TMEM232: variants seen among roughly 807,000 people sequenced by gnomAD.
TMEM232 encodes the protein transmembrane protein 232.
TMEM232 carries 80 observed loss-of-function variants against 78.8 expected under a neutral mutation model. The ratio of observed to expected loss-of-function variants is 1.01; its 90% CI spans 0.85 to 1.22. The LOEUF (loss-of-function observed/expected upper bound fraction) is 1.22. TMEM232 is among the 50% of genes most tolerant of loss of function. The probability of loss-of-function intolerance (pLI) is 0.00; values close to 1 mark genes in which losing one functional copy is unlikely to be tolerated. For synonymous variants in TMEM232, 297 were observed against 254.3 expected (o/e 1.17, Z -1.60); for missense variants, 881 against 742.2 (o/e 1.19, Z -2.17).
rs182389250 is a variant in TMEM232 at position 110,522,672 on chromosome 5, C to T, written c.1703+5916G>A. Reference sequence around the variant, plus strand: ...TTTTCAGCACCTGTTGAGATTATTACGTAATTTTTATTTTTCATTCTGTAA... The same window carrying T: ...TTTTCAGCACCTGTTGAGATTATTATGTAATTTTTATTTTTCATTCTGTAA... On this transcript the variant is annotated intron_variant, in intron 12 of 13. Transcript: ENST00000455884. Among the ~76,000 whole-genome samples the T allele has an allele frequency of 3.2e-3, 488 of 152,108 alleles. 3 individuals are homozygous for T. Among genetic ancestry groups the T allele is most frequent in the African/African-American group, 0.011 (464 of 41,484 alleles).
At chr5:110,600,584 AC>A (rs1370904192) in intron 10 of TMEM232, among the ~76,000 whole-genome samples, 2 of 152,138 alleles carry the variant, frequency 1.3e-5, no homozygotes, top group Non-Finnish European at 2.9e-5. Context: ...AAATTCCTGG[AC>A]CCATACACCC....
intron 7 of TMEM232, among the ~76,000 whole-genome samples, chr5:110,623,732 T>C (rs569973711): frequency 7.2e-5 from 11 of 152,200 alleles, no homozygotes; most frequent in African/African-American, 2.4e-4. Context: ...CCTATATTTA[T>C]AGTCTTTATA....
chr5:110,528,796 T>C lies in TMEM232; in HGVS notation c.1495A>G (p.Ser499Gly), dbSNP rs1770989352. Residue 499 changes from serine to glycine, a missense_variant, in exon 12 of 14, where the codon AGT becomes GGT. Physicochemically the swap from Ser to Gly is moderately conservative, Grantham distance 56. Transcript: ENST00000455884. ...NDPTDPFTRY[S>G]TNISSNVGEE... Reference sequence around the variant, plus strand: ...CCTACATTTGATGAAATATTTGTACTATATCTAGTGAAAGGATCAGTTGGG... The same window carrying C: ...CCTACATTTGATGAAATATTTGTACCATATCTAGTGAAAGGATCAGTTGGG... 2 of 1,526,802 alleles carry C rather than the reference T, an allele frequency of 1.3e-6. No individual in the cohort carries two copies. The highest frequency in any genetic ancestry group is 1.2e-5 in the South Asian group (1 of 81,472). 94.6% of individuals were successfully genotyped at this position (1,526,802 alleles called of 1,614,324 possible).
intron 2 of TMEM232, among the ~76,000 whole-genome samples, chr5:110,405,220 G>C (rs1017872861): frequency 1.1e-4 from 16 of 152,120 alleles, no homozygotes; most frequent in Non-Finnish European, 1.8e-4. Flanking sequence ...AGTCAATGCT[G>C]TGATGTAGCA....
chr5:110,656,506 T>A (rs898881028), intron 2 of TMEM232, among the ~76,000 whole-genome samples: 2 of 152,004 alleles, frequency 1.3e-5, no homozygotes, highest in Non-Finnish European at 2.9e-5. Flanking sequence ...AAGACAATGA[T>A]AGAAAATGTA....
Position 110,437,316 on chromosome 5 carries a change from C to G in TMEM232, c.1704-12400G>C, listed in dbSNP as rs117985324. ...CTCCACATGTAATCTAAATCTGGAT[C>G]TAAAACAAAATTATAGAAAAAAACA... On this transcript the variant is annotated intron_variant, in intron 12 of 13. Coordinates refer to ENST00000455884, the MANE Select transcript of TMEM232 (RefSeq NM_001039763.4). 3.8e-4 allele frequency among the ~76,000 whole-genome samples: 58 copies of G among 151,236 alleles called. No individual in the cohort carries two copies. In the East Asian group the frequency reaches 8.6e-3, roughly 22 times the overall value.
chr5:110,700,597 A>G (rs1196348094), intron 1 of TMEM232, among the ~76,000 whole-genome samples: 1 of 152,006 alleles, frequency 6.6e-6, no homozygotes, highest in Non-Finnish European at 1.5e-5. Context: ...GGACATCTGA[A>G]GAAAGATTGC....
At chr5:110,395,824 C>T (rs1196549910) in intron 3 of TMEM232, among the ~76,000 whole-genome samples, 2 of 152,076 alleles carry the variant, frequency 1.3e-5, no homozygotes, top group Non-Finnish European at 2.9e-5. Flanking sequence ...CCGCAAATGT[C>T]TTTAAAGGGA....
At chr5:110,583,396 G>C (rs1406444411) in intron 10 of TMEM232, among the ~76,000 whole-genome samples, 1 of 151,796 alleles carries the variant, frequency 6.6e-6, no homozygotes, top group Non-Finnish European at 1.5e-5. Flanking sequence ...AATGGGAAAA[G>C]GATAGTCTCT....
rs550825814 is a variant in TMEM232 at position 110,638,785 on chromosome 5, T to G, written c.344-430A>C. 4.7e-4 allele frequency among the ~76,000 whole-genome samples: 71 copies of G among 152,294 alleles called. 1 individual carries two copies. Among genetic ancestry groups the G allele is most frequent in the African/African-American group, 1.7e-3 (69 of 41,578 alleles). On this transcript the variant is annotated intron_variant, in intron 4 of 13. Transcript: ENST00000455884. ...GAAGAAATGTCCAAGGGGGCTCAGC[T>G]ATTATAGATCCAACACTATACAGGC...
At chr5:110,724,794 T>C (rs1797992804) in intron 1 of TMEM232, among the ~76,000 whole-genome samples, 1 of 152,222 alleles carries the variant, frequency 6.6e-6, no homozygotes, top group African/African-American at 2.4e-5. Flanking sequence ...CTTTTATTTA[T>C]TCATTCACCA....
intron 3 of TMEM232, among the ~76,000 whole-genome samples, chr5:110,395,115 T>C (rs1345722373): frequency 6.6e-6 from 1 of 152,178 alleles, no homozygotes; most frequent in Non-Finnish European, 1.5e-5. Flanking sequence ...CTCAGGGGCA[T>C]AGAGATTTAT....
In TMEM232 at chr5:110,456,394, CAAAACAG is replaced by C. The variant is rs1487480788; in HGVS notation, c.1704-31485_1704-31479del. On this transcript the variant is annotated intron_variant, in intron 12 of 13. Coordinates refer to ENST00000455884, the MANE Select transcript of TMEM232 (RefSeq NM_001039763.4). Reference sequence around the variant, plus strand: ...AAGTAAAAAAATTGATAAAAGAAATCAAAACAGATCTAAATAAAAGAGGTGTACAGTG... The same window carrying C: ...AAGTAAAAAAATTGATAAAAGAAATCATCTAAATAAAAGAGGTGTACAGTG... 1.9e-4 allele frequency among the ~76,000 whole-genome samples: 29 copies of C among 151,592 alleles called. 1 individual carries two copies. The highest frequency in any genetic ancestry group is 5.9e-4 in the Admixed American group (9 of 15,232).
At position 110,528,173 on chromosome 5, in the gene TMEM232, T is replaced by G. The variant is rs540517291; in HGVS notation, c.1703+415A>C. On this transcript the variant is annotated intron_variant, in intron 12 of 13. Coordinates refer to ENST00000455884, the MANE Select transcript of TMEM232 (RefSeq NM_001039763.4). The stretch of plus-strand genomic sequence containing the variant: ...TTTATAGGAGTTGAAACATAAAATC[T>G]AATTAGCCTCATAACTACCAGTTTT... Among the ~76,000 whole-genome samples, 259 of 152,062 alleles carry G rather than the reference T, an allele frequency of 1.7e-3. 1 individual carries two copies. Among genetic ancestry groups the G allele is most frequent in the African/African-American group, 5.8e-3 (240 of 41,564 alleles).
At chr5:110,632,697 G>A (rs1329792524) in intron 5 of TMEM232, among the ~76,000 whole-genome samples, 1 of 151,672 alleles carries the variant, frequency 6.6e-6, no homozygotes, top group African/African-American at 2.4e-5. Context: ...ATATAACTTG[G>A]AGAAAAACAA....
At chr5:110,673,178 T>C (rs1791585308) in intron 1 of TMEM232, among the ~76,000 whole-genome samples, 1 of 152,020 alleles carries the variant, frequency 6.6e-6, no homozygotes, top group Admixed American at 6.6e-5. Context: ...CTGGAAACCA[T>C]CATTCTCAGC....
intron 10 of TMEM232, among the ~76,000 whole-genome samples, chr5:110,589,251 C>T (rs1779210393): frequency 6.6e-6 from 1 of 152,062 alleles, no homozygotes; most frequent in East Asian, 1.9e-4. Flanking sequence ...AATGTATAGG[C>T]TAGGTTTTCT....
intron 12 of TMEM232, among the ~76,000 whole-genome samples, chr5:110,474,918 G>T (rs1259777366): frequency 6.6e-6 from 1 of 151,774 alleles, no homozygotes; most frequent in Admixed American, 6.6e-5. Flanking sequence ...TAGACCAAAA[G>T]ATACATATTT....
chr5:110,522,342 A>G (rs1272519341), intron 12 of TMEM232, among the ~76,000 whole-genome samples: 2 of 152,162 alleles, frequency 1.3e-5, no homozygotes, highest in Non-Finnish European at 2.9e-5. Flanking sequence ...GGTTACATAT[A>G]TATAAGGTCA....
Sources: gnomAD v4.1 joint callset for allele counts (sites outside exome capture counted in the v4.1 genomes callset) on GRCh38, gnomAD v4.1.1 for gene constraint, MANE v1.5 for transcripts, NCBI Gene and HGNC (gene_info 2026-07-23, HGNC 2026-07-21) for gene names.